The following SEC22A variants were observed in gnomAD, a reference collection of about 807,000 sequenced individuals.
SEC22A encodes SEC22 homolog A, vesicle trafficking protein.
SEC22A carries 22 observed loss-of-function variants against 35.3 expected under a neutral mutation model. The observed-to-expected ratio is 0.62, with a 90% CI of 0.45 to 0.89. SEC22A has a LOEUF of 0.89. Ranked by LOEUF, SEC22A falls within the 40% of genes least tolerant of loss-of-function variation. SEC22A has a pLI of 0.00. For synonymous variants in SEC22A, 119 were observed against 129.5 expected (o/e 0.92, Z 0.55); for missense variants, 354 against 362.5 (o/e 0.98, Z 0.19).
chr3:123,237,336 C>A (rs1023679864), intron 4 of SEC22A, among the ~76,000 whole-genome samples: 6 of 144,868 alleles, frequency 4.1e-5, no homozygotes, highest in African/African-American at 1.5e-4. Context: ...CAAATTAGTA[C>A]CTACAACAGG....
chr3:123,224,533 T>A (rs1302228532), intron 3 of SEC22A, among the ~76,000 whole-genome samples: 2 of 152,196 alleles, frequency 1.3e-5, no homozygotes, highest in African/African-American at 4.8e-5. Context: ...GTGTGGCTCA[T>A]GCCTTTTATC....
At chr3:123,228,504 G>A (rs1027650955) in intron 4 of SEC22A, among the ~76,000 whole-genome samples, 9 of 151,302 alleles carry the variant, frequency 5.9e-5, no homozygotes, top group Admixed American at 5.9e-4. Flanking sequence ...GAACCCAGGA[G>A]GCGGAGGTGG....
At chr3:123,260,905 G>A (rs962038214) in intron 6 of SEC22A, among the ~76,000 whole-genome samples, 4 of 148,244 alleles carry the variant, frequency 2.7e-5, no homozygotes, top group Non-Finnish European at 4.4e-5. Context: ...GTGCGATCTC[G>A]GCTCACTGCA....
intron 6 of SEC22A, among the ~76,000 whole-genome samples, chr3:123,260,208 G>T (rs1937857894): frequency 7.0e-6 from 1 of 143,724 alleles, no homozygotes; most frequent in Non-Finnish European, 1.5e-5. Flanking sequence ...CAGCTTCCAG[G>T]TTCTACTTAT....
intron 6 of SEC22A, among the ~76,000 whole-genome samples, chr3:123,260,376 A>G (rs1937863324): frequency 6.6e-6 from 1 of 152,158 alleles, no homozygotes; most frequent in African/African-American, 2.4e-5. Context: ...TTATTACTAC[A>G]GGTAGAAGGT....
chr3:123,206,443 G>C (rs1202130656), intron 1 of SEC22A, among the ~76,000 whole-genome samples: 3 of 152,152 alleles, frequency 2.0e-5, no homozygotes, highest in Non-Finnish European at 4.4e-5. Flanking sequence ...TTAATTCCCA[G>C]AATGGTTATT....
intron 5 of SEC22A, among the ~76,000 whole-genome samples, chr3:123,250,006 G>A (rs1937598165): frequency 6.6e-6 from 1 of 152,204 alleles, no homozygotes; most frequent in African/African-American, 2.4e-5. Context: ...AGGGGCAGAG[G>A]AGAGAAGAAA....
At chr3:123,227,415 A>G (rs1173745547) in intron 4 of SEC22A, among the ~76,000 whole-genome samples, 1 of 151,482 alleles carries the variant, frequency 6.6e-6, no homozygotes, top group African/African-American at 2.4e-5. Flanking sequence ...ATGAGAACAC[A>G]TGGACACAGG....
intron 2 of SEC22A, among the ~76,000 whole-genome samples, chr3:123,213,384 C>G (rs1307002220): frequency 6.6e-6 from 1 of 152,214 alleles, no homozygotes; most frequent in African/African-American, 2.4e-5. Flanking sequence ...ATAAAACTCA[C>G]AGGTCTGCTG....
intron 5 of SEC22A, among the ~76,000 whole-genome samples, chr3:123,257,726 C>T (rs1459804304): frequency 1.3e-5 from 2 of 151,654 alleles, no homozygotes; most frequent in Admixed American, 6.6e-5. Flanking sequence ...TGCAGTGGCT[C>T]ACGCCTGTAA....
At chr3:123,242,775 A>T (rs1576496595) in intron 4 of SEC22A, among the ~76,000 whole-genome samples, 1 of 152,204 alleles carries the variant, frequency 6.6e-6, no homozygotes, top group East Asian at 1.9e-4. Flanking sequence ...GGCACAGAAA[A>T]GTTAGTCATT....
At chr3:123,256,482 G>A (rs569554873) in intron 5 of SEC22A, among the ~76,000 whole-genome samples, 3 of 152,080 alleles carry the variant, frequency 2.0e-5, no homozygotes, top group Non-Finnish European at 4.4e-5. Flanking sequence ...GACACTGTAC[G>A]CACTACTTCC....
intron 4 of SEC22A, among the ~76,000 whole-genome samples, chr3:123,229,595 G>A (rs1270765109): frequency 6.6e-6 from 1 of 152,228 alleles, no homozygotes; most frequent in East Asian, 1.9e-4. Context: ...TGCATGTTGT[G>A]GCTTACGCCT....
At chr3:123,233,642 AAAAC>A (rs1051425582) in intron 4 of SEC22A, among the ~76,000 whole-genome samples, 5 of 138,652 alleles carry the variant, frequency 3.6e-5, no homozygotes, top group South Asian at 2.2e-4. Context: ...TCATGGCAAA[AAAAC>A]AAACAAACAA....
chr3:123,209,551 C>A, intron 2 of SEC22A, 152 bp downstream of exon 2: 1 of 621,562 alleles, frequency 1.6e-6, no homozygotes, highest in African/African-American at 1.8e-5. Flanking sequence ...GTCATCATGT[C>A]AGCAGCAGCC....
intron 1 of SEC22A, among the ~76,000 whole-genome samples, chr3:123,203,868 T>C (rs1023942752): frequency 3.3e-5 from 5 of 152,290 alleles, no homozygotes; most frequent in African/African-American, 4.8e-5. Context: ...TGAGCATGTA[T>C]TGGGGGCCCT....
At chr3:123,255,922 CTTTT>C (rs35426251) in intron 5 of SEC22A, among the ~76,000 whole-genome samples, 8 of 143,774 alleles carry the variant, frequency 5.6e-5, no homozygotes, top group East Asian at 2.0e-4. Flanking sequence ...TTTCTTCTTT[CTTTT>C]TTTTTTTTTA....
intron 3 of SEC22A, among the ~76,000 whole-genome samples, chr3:123,224,630 A>AAAAT (rs1180237468): frequency 6.6e-6 from 1 of 152,156 alleles, no homozygotes; most frequent in Non-Finnish European, 1.5e-5. Context: ...TGTCTGTACA[A>AAAAT]AAATAAATAA....
chr3:123,229,735 G>A (rs1471568999), intron 4 of SEC22A, among the ~76,000 whole-genome samples: 2 of 151,984 alleles, frequency 1.3e-5, no homozygotes, highest in African/African-American at 2.4e-5. Context: ...GGTGCCACAC[G>A]CCTGTAATCC....
Sources: allele counts gnomAD v4.1 joint callset (sites outside exome capture counted in the v4.1 genomes callset), GRCh38; gene constraint gnomAD v4.1.1; transcripts MANE v1.5; gene names NCBI Gene and HGNC (gene_info 2026-07-23, HGNC 2026-07-21).